Variants in RAB38 observed in about 807,000 individuals in gnomAD.
The protein encoded by RAB38 is ras-related protein Rab-38.
RAB38 carries 15 observed loss-of-function variants against 18.4 expected under a neutral mutation model. The observed-to-expected ratio is 0.82, with a 90% confidence interval of 0.55 to 1.26. The LOEUF is 1.26. RAB38 is among the 50% of genes most tolerant of loss of function. The probability of loss-of-function intolerance (pLI) is 0.00; values close to 1 mark genes in which losing one functional copy is unlikely to be tolerated. For missense variants in RAB38, 294 were observed against 267.4 expected (o/e 1.10, Z -0.69); for synonymous variants, 101 against 104.4 (o/e 0.97, Z 0.20).
the RAB38 span, among the ~76,000 whole-genome samples, chr11:88,079,594 GAAAAGAA>G: frequency 6.6e-6 from 1 of 151,676 alleles, no homozygotes; most frequent in South Asian, 2.1e-4. Flanking sequence ...ACTATTACAA[GAAAAGAA>G]AACTATCTAC....
the RAB38 span, among the ~76,000 whole-genome samples, chr11:87,976,526 A>C: frequency 1.8e-3 from 1 of 546 alleles, no homozygotes; most frequent in Admixed American, 0.038. Context: ...TATTTTATAT[A>C]TATTTTTTAC....
At chr11:88,021,770 C>T in the RAB38 span, among the ~76,000 whole-genome samples, 7 of 145,310 alleles carry the variant, frequency 4.8e-5, no homozygotes, top group African/African-American at 1.5e-4. Flanking sequence ...TTAGTAGAGG[C>T]AGGGTTTCAC....
the RAB38 span, among the ~76,000 whole-genome samples, chr11:88,062,613 A>C: frequency 6.6e-6 from 1 of 152,250 alleles, no homozygotes. Context: ...AAAAAGTGAT[A>C]AGCACAGTAG....
At chr11:88,037,491 T>C in the RAB38 span, among the ~76,000 whole-genome samples, 5 of 152,246 alleles carry the variant, frequency 3.3e-5, no homozygotes, top group South Asian at 1.0e-3. Context: ...TGAGCACTCT[T>C]GGAAGTGCAC....
the RAB38 span, among the ~76,000 whole-genome samples, chr11:87,976,608 T>TATTTTACATAATATA: frequency 9.7e-6 from 1 of 103,138 alleles, no homozygotes; most frequent in Non-Finnish European, 1.8e-5. Flanking sequence ...TATAAATACA[T>TATTTTACATAATATA]ATTTTACATG....
At chr11:88,011,987 T>A in the RAB38 span, among the ~76,000 whole-genome samples, 87 of 152,290 alleles carry the variant, frequency 5.7e-4, no homozygotes, top group Non-Finnish European at 1.0e-3. Flanking sequence ...ACACTCACTC[T>A]CTCTATATCC....
At chr11:87,976,393 A>G in the RAB38 span, among the ~76,000 whole-genome samples, 1 of 138,434 alleles carries the variant, frequency 7.2e-6, no homozygotes, top group Non-Finnish European at 1.5e-5. Flanking sequence ...ATTTATATAT[A>G]CACATATTTA....
At chr11:87,946,355 G>GA in the RAB38 span, among the ~76,000 whole-genome samples, 12 of 152,068 alleles carry the variant, frequency 7.9e-5, no homozygotes, top group Non-Finnish European at 1.8e-4. Flanking sequence ...TCTTTGATTT[G>GA]AAAACCATTA....
the RAB38 span, among the ~76,000 whole-genome samples, chr11:87,968,952 G>A: frequency 0.038 from 5,737 of 152,114 alleles, 214 homozygotes; most frequent in South Asian, 0.082. Flanking sequence ...TGGGTACAAT[G>A]CACATTATTT....
At chr11:87,888,305 T>C in the RAB38 span, among the ~76,000 whole-genome samples, 1 of 151,958 alleles carries the variant, frequency 6.6e-6, no homozygotes, top group African/African-American at 2.4e-5. Context: ...ATTTCAGATA[T>C]GCTCACAATG....
At chr11:87,857,302 T>C in the RAB38 span, among the ~76,000 whole-genome samples, 1 of 152,226 alleles carries the variant, frequency 6.6e-6, no homozygotes, top group East Asian at 1.9e-4. Flanking sequence ...TTTGCTATTG[T>C]GAATAGTGCC....
chr11:87,917,221 C>T, the RAB38 span, among the ~76,000 whole-genome samples: 24 of 152,074 alleles, frequency 1.6e-4, no homozygotes, highest in African/African-American at 3.1e-4. Flanking sequence ...ATACCTGCAC[C>T]GTGCGTGGGG....
At chr11:87,824,598 C>G in the RAB38 span, among the ~76,000 whole-genome samples, 1 of 151,906 alleles carries the variant, frequency 6.6e-6, no homozygotes, top group East Asian at 1.9e-4. Flanking sequence ...CAAAAAGACA[C>G]TAAGAGATTA....
At chr11:88,171,866 CT>C (rs1272861841) in intron 1 of RAB38, among the ~76,000 whole-genome samples, 46 of 152,204 alleles carry the variant, frequency 3.0e-4, no homozygotes, top group Non-Finnish European at 1.5e-4. Flanking sequence ...CCTAAATGAC[CT>C]ATTTTTTTAA....
chr11:87,861,155 C>T, the RAB38 span, among the ~76,000 whole-genome samples: 2 of 151,816 alleles, frequency 1.3e-5, no homozygotes, highest in Non-Finnish European at 2.9e-5. Context: ...AGACTGTCCA[C>T]GTTAATTTGC....
chr11:88,120,848 G>T (rs1942619613), intron 2 of RAB38, among the ~76,000 whole-genome samples: 1 of 152,122 alleles, frequency 6.6e-6, no homozygotes, highest in Admixed American at 6.5e-5. Flanking sequence ...GCCACCTCTA[G>T]TGCTCTGTTT....
the RAB38 span, among the ~76,000 whole-genome samples, chr11:87,955,770 T>C: frequency 2.6e-5 from 4 of 152,122 alleles, no homozygotes; most frequent in Non-Finnish European, 4.4e-5. Flanking sequence ...GAATATTTTC[T>C]ATAAAATATT....
At chr11:87,861,907 A>G in the RAB38 span, among the ~76,000 whole-genome samples, 1 of 151,968 alleles carries the variant, frequency 6.6e-6, no homozygotes, top group African/African-American at 2.4e-5. Flanking sequence ...TCATCATATG[A>G]AAACAAGCTC....
chr11:88,138,047 A>T (rs1419490015), intron 2 of RAB38, among the ~76,000 whole-genome samples: 1 of 152,216 alleles, frequency 6.6e-6, no homozygotes, highest in Non-Finnish European at 1.5e-5. Flanking sequence ...GCAGGAGGCT[A>T]TGTTCCAGCA....
Sources: allele counts gnomAD v4.1 joint callset (sites outside exome capture counted in the v4.1 genomes callset), GRCh38; gene constraint gnomAD v4.1.1; transcripts MANE v1.5; gene names NCBI Gene and HGNC (gene_info 2026-07-23, HGNC 2026-07-21).